Variants in MRAP2 observed in about 807,000 individuals in gnomAD.
MRAP2 encodes melanocortin 2 receptor accessory protein 2.
Under a neutral mutation model 17.4 loss-of-function variants are expected in MRAP2, and 20 were observed. That is an observed-to-expected ratio of 1.15 (90% confidence interval 0.81 to 1.67). The LOEUF (loss-of-function observed/expected upper bound fraction) is 1.67. MRAP2 is among the 40% of genes most tolerant of loss of function. The pLI is 0.00. For synonymous variants in MRAP2, 96 were observed against 88.4 expected (o/e 1.09, Z -0.48); for missense variants, 238 against 240.0 (o/e 0.99, Z 0.05).
At chr6:84,121,689 G>T in the MRAP2 span, among the ~76,000 whole-genome samples, 2 of 151,972 alleles carry the variant, frequency 1.3e-5, no homozygotes, top group African/African-American at 4.8e-5. Flanking sequence ...AAAACAGCTT[G>T]CTCCTGAATG....
intron 3 of MRAP2, among the ~76,000 whole-genome samples, chr6:84,075,892 A>G (rs1265347450): frequency 1.3e-5 from 2 of 152,186 alleles, no homozygotes; most frequent in Non-Finnish European, 2.9e-5. Flanking sequence ...GGGAAATGTC[A>G]TTGTTCAAAA....
chr6:84,076,224 ATT>A (rs1253662556), intron 3 of MRAP2, among the ~76,000 whole-genome samples: 148 of 136,634 alleles, frequency 1.1e-3, no homozygotes, highest in African/African-American at 2.2e-3. Flanking sequence ...CACCCAGCTA[ATT>A]TTTTTTTTTT....
At chr6:84,114,677 CT>C in the MRAP2 span, among the ~76,000 whole-genome samples, 1 of 152,118 alleles carries the variant, frequency 6.6e-6, no homozygotes, top group African/African-American at 2.4e-5. Context: ...AATTTTCAGC[CT>C]TTTTGTGCTG....
At chr6:84,110,775 G>GTA in the MRAP2 span, among the ~76,000 whole-genome samples, 3 of 152,164 alleles carry the variant, frequency 2.0e-5, no homozygotes, top group Admixed American at 2.0e-4. Context: ...GTTAATTTTT[G>GTA]TATAAGGTGT....
downstream of MRAP2, among the ~76,000 whole-genome samples, chr6:84,091,799 G>C (rs1238803340): frequency 2.0e-5 from 3 of 152,166 alleles, no homozygotes; most frequent in Non-Finnish European, 4.4e-5. Flanking sequence ...GATGCTGCCA[G>C]AAGACACAAG....
At chr6:84,105,306 AAG>A in the MRAP2 span, among the ~76,000 whole-genome samples, 1 of 152,178 alleles carries the variant, frequency 6.6e-6, no homozygotes, top group Non-Finnish European at 1.5e-5. Context: ...TTACAAAAGA[AAG>A]AGGTTTAATT....
At chr6:84,110,268 C>T in the MRAP2 span, among the ~76,000 whole-genome samples, 2 of 152,120 alleles carry the variant, frequency 1.3e-5, no homozygotes, top group African/African-American at 4.8e-5. Context: ...CCTGACTTTT[C>T]AATGATCACC....
chr6:84,140,912 A>G, the MRAP2 span, among the ~76,000 whole-genome samples: 1 of 152,166 alleles, frequency 6.6e-6, no homozygotes, highest in Non-Finnish European at 1.5e-5. Context: ...TTTGTGGAAG[A>G]CAATTCTTCC....
chr6:84,100,330 G>A, the MRAP2 span, among the ~76,000 whole-genome samples: 1 of 152,026 alleles, frequency 6.6e-6, no homozygotes, highest in African/African-American at 2.4e-5. Context: ...TGGAACAATC[G>A]TGGCTCACTG....
chr6:84,068,623 A>C (rs534952768), intron 3 of MRAP2, among the ~76,000 whole-genome samples: 17 of 151,292 alleles, frequency 1.1e-4, no homozygotes, highest in Non-Finnish European at 1.5e-4. Flanking sequence ...GTTATTCCTA[A>C]GTTTGTTTTT....
At chr6:84,080,471 G>T (rs2099498699) in intron 3 of MRAP2, among the ~76,000 whole-genome samples, 1 of 152,176 alleles carries the variant, frequency 6.6e-6, no homozygotes, top group South Asian at 2.1e-4. Flanking sequence ...CCTTGGTTCT[G>T]GGATTTACCT....
At chr6:84,141,344 A>G in the MRAP2 span, among the ~76,000 whole-genome samples, 3 of 152,212 alleles carry the variant, frequency 2.0e-5, no homozygotes, top group Non-Finnish European at 4.4e-5. Flanking sequence ...AGGGCATAAA[A>G]GAGTGTCAAG....
rs2099500717 is a variant in MRAP2, at chr6:84,087,252, T to G, written c.228-1839T>G. Among the ~76,000 whole-genome samples, 1 of 152,200 alleles carries G rather than the reference T, an allele frequency of 6.6e-6. No homozygotes were observed. Among genetic ancestry groups the G allele is most frequent in the Non-Finnish European group, 1.5e-5 (1 of 68,032 alleles). On this transcript the variant is annotated intron_variant, in intron 3 of 3. Coordinates refer to ENST00000257776, the MANE Select transcript of MRAP2 (RefSeq NM_138409.4). The stretch of plus-strand genomic sequence containing the variant: ...TTGGTTCAGTCTGGAAAGGCGGGAC[T>G]ACTCGAAGCAGGGAGGGGACTTCCA...
chr6:84,099,396 GC>G, the MRAP2 span, among the ~76,000 whole-genome samples: 1 of 151,678 alleles, frequency 6.6e-6, no homozygotes, highest in Admixed American at 6.6e-5. Context: ...GTTTATTATA[GC>G]TTTAGAAGTC....
the MRAP2 span, among the ~76,000 whole-genome samples, chr6:84,101,602 T>C: frequency 2.6e-5 from 4 of 152,238 alleles, no homozygotes; most frequent in Non-Finnish European, 5.9e-5. Flanking sequence ...TGAGATTATA[T>C]GAATCCTGTT....
intron 1 of MRAP2, among the ~76,000 whole-genome samples, chr6:84,050,060 G>T (rs2099490040): frequency 6.6e-6 from 1 of 152,046 alleles, no homozygotes; most frequent in African/African-American, 2.4e-5. Flanking sequence ...AAAAGTAAGA[G>T]TCATACTCGA....
At chr6:84,102,305 A>G in the MRAP2 span, among the ~76,000 whole-genome samples, 1 of 152,208 alleles carries the variant, frequency 6.6e-6, no homozygotes, top group Non-Finnish European at 1.5e-5. Flanking sequence ...TGAGATGAGG[A>G]GACTGGAAAA....
the MRAP2 span, among the ~76,000 whole-genome samples, chr6:84,106,669 T>A: frequency 6.6e-6 from 1 of 152,144 alleles, no homozygotes; most frequent in Non-Finnish European, 1.5e-5. Context: ...AGGCCATGGA[T>A]GCAGGCTGGG....
At chr6:84,138,209 ACTC>A in the MRAP2 span, among the ~76,000 whole-genome samples, 1 of 152,080 alleles carries the variant, frequency 6.6e-6, no homozygotes, top group African/African-American at 2.4e-5. Context: ...TCAAGGGGAG[ACTC>A]CTCCTTTAAA....
Sources: gnomAD v4.1 joint callset for allele counts (sites outside exome capture counted in the v4.1 genomes callset) on GRCh38, gnomAD v4.1.1 for gene constraint, MANE v1.5 for transcripts, NCBI Gene and HGNC (gene_info 2026-07-23, HGNC 2026-07-21) for gene names.